The following BMPER variants were observed in gnomAD, a reference collection of about 807,000 sequenced individuals.
The protein encoded by BMPER is BMP-binding endothelial regulator protein.
In BMPER, 45 loss-of-function variants were observed where a neutral mutation model predicts 87.3. The observed-to-expected ratio is 0.52, with a 90% CI of 0.41 to 0.66. The LOEUF is 0.66. Ranked by LOEUF, BMPER falls within the 30% of genes least tolerant of loss-of-function variation. The pLI is 0.00. For missense variants in BMPER, 784 were observed against 867.5 expected (o/e 0.90, Z 1.21); for synonymous variants, 326 against 316.2 (o/e 1.03, Z -0.33).
chr7:34,011,544 G>C (rs1585735113), intron 6 of BMPER, among the ~76,000 whole-genome samples: 1 of 78,208 alleles, frequency 1.3e-5, no homozygotes, highest in African/African-American at 5.0e-5. Context: ...TTTTAAACCA[G>C]AATGTAAATA....
chr7:34,089,543 G>A (rs1789319683), intron 13 of BMPER, among the ~76,000 whole-genome samples: 1 of 152,036 alleles, frequency 6.6e-6, no homozygotes, highest in African/African-American at 2.4e-5. Context: ...GAGTGCAGTG[G>A]CGCAATCTCG....
rs775132487 is a variant in BMPER, at chr7:34,070,459, C to T, written c.1079-8398C>T. 2.6e-5 allele frequency among the ~76,000 whole-genome samples: 4 copies of T among 152,086 alleles called. No individual in the cohort carries two copies. In the South Asian group the frequency reaches 8.3e-4, roughly 32 times the overall value. On this transcript the variant is annotated intron_variant, in intron 11 of 14. Coordinates refer to ENST00000649409, the MANE Select transcript of BMPER (RefSeq NM_001365308.1). ...CAAATAAATACTTTCCTTGCCATTC[C>T]CATGGCAGCCGGACACTCATCCTAT...
chr7:34,063,053 C>A (rs1443699086), intron 11 of BMPER, among the ~76,000 whole-genome samples: 5 of 152,186 alleles, frequency 3.3e-5, no homozygotes, highest in Non-Finnish European at 5.9e-5. Flanking sequence ...AGCAAACTGC[C>A]ATTTTAGTCC....
At chr7:33,971,091 G>GTTAT in intron 5 of BMPER, among the ~76,000 whole-genome samples, 1 of 152,046 alleles carries the variant, frequency 6.6e-6, no homozygotes. Context: ...TCTCTGACAG[G>GTTAT]TGTTCTGCAT....
chr7:34,149,553 C>G (rs1861364), intron 14 of BMPER, among the ~76,000 whole-genome samples: 113,414 of 151,960 alleles, frequency 0.75, 43,031 homozygotes, highest in East Asian at 0.91. Context: ...GAGGAAGAGA[C>G]AGACAGAAGA....
At chr7:33,966,200 A>G (rs1227930212) in intron 3 of BMPER, among the ~76,000 whole-genome samples, 1 of 152,192 alleles carries the variant, frequency 6.6e-6, no homozygotes, top group Non-Finnish European at 1.5e-5. Flanking sequence ...TCACGAGGTT[A>G]TACATTTTGG....
chr7:34,076,666 G>A (rs1180849452), intron 11 of BMPER, among the ~76,000 whole-genome samples: 1 of 152,136 alleles, frequency 6.6e-6, no homozygotes, highest in Non-Finnish European at 1.5e-5. Flanking sequence ...TGATCAGCAG[G>A]CATGTAGAAG....
chr7:34,073,533 A>G (rs1788788881), intron 11 of BMPER, among the ~76,000 whole-genome samples: 1 of 152,252 alleles, frequency 6.6e-6, no homozygotes, highest in African/African-American at 2.4e-5. Context: ...ATTATGAGGC[A>G]TGTGTCTACC....
intron 6 of BMPER, among the ~76,000 whole-genome samples, chr7:34,037,911 C>G (rs1204118968): frequency 6.6e-6 from 1 of 152,178 alleles, no homozygotes; most frequent in Non-Finnish European, 1.5e-5. Flanking sequence ...AATCGAGCTT[C>G]TTGGCTATCT....
intron 2 of BMPER, among the ~76,000 whole-genome samples, chr7:33,931,316 G>A (rs939295554): frequency 1.3e-5 from 2 of 152,122 alleles, no homozygotes; most frequent in Non-Finnish European, 2.9e-5. Flanking sequence ...AGCTGATCCC[G>A]TAAGCCAGGC....
intron 11 of BMPER, 37 bp from the exon 12 acceptor site, chr7:34,078,820 G>T (rs941313171): frequency 6.2e-7 from 1 of 1,607,968 alleles, no homozygotes; most frequent in Admixed American, 1.7e-5. Context: ...CCTTGGCTTG[G>T]TTTGTGACCC....
chr7:34,025,177 T>C (rs1334932850), intron 6 of BMPER, among the ~76,000 whole-genome samples: 1 of 152,098 alleles, frequency 6.6e-6, no homozygotes, highest in African/African-American at 2.4e-5. Context: ...GCAAACATGG[T>C]CCTTCCAAGA....
At chr7:34,020,891 C>CACAT (rs201700508) in intron 6 of BMPER, among the ~76,000 whole-genome samples, 4 of 151,032 alleles carry the variant, frequency 2.6e-5, no homozygotes, top group South Asian at 4.2e-4. Flanking sequence ...CACACACACA[C>CACAT]GCACGCACAC....
chr7:33,937,517 T>C, intron 3 of BMPER, 129 bp downstream of exon 3: 1 of 696,900 alleles, frequency 1.4e-6, no homozygotes, highest in Non-Finnish European at 2.5e-6. Context: ...AAGTAGGGTG[T>C]GTGTGTGTGT....
At chr7:34,009,561 T>TA (rs1435965059) in intron 6 of BMPER, among the ~76,000 whole-genome samples, 1 of 151,804 alleles carries the variant, frequency 6.6e-6, no homozygotes, top group Non-Finnish European at 1.5e-5. Context: ...ACACATATAA[T>TA]AAAAACTAAT....
Position 33,906,897 on chromosome 7 carries a change from C to T in BMPER, c.213C>T (p.Val71=). ...FITDNPCIMC[V]CLNKEVTCKR... ...CAGACAACCCTTGCATAATGTGTGT[C>T]TGCTTGGTAAGTGTGGAGATCAGGT... The change falls in exon 2 of 15, where the codon GTC becomes GTT. Residue 71 remains valine, a synonymous_variant. Transcript: ENST00000649409. 8.7e-6 allele frequency: 14 copies of T among 1,612,596 alleles called. No individual in the cohort carries two copies. Among genetic ancestry groups the T allele is most frequent in the Non-Finnish European group, 1.2e-5 (14 of 1,178,784 alleles).
chr7:34,048,014 C>G (rs751418504), intron 7 of BMPER, among the ~76,000 whole-genome samples: 29 of 151,624 alleles, frequency 1.9e-4, no homozygotes, highest in Non-Finnish European at 2.9e-4. Context: ...CTTAAAAGGT[C>G]TTAGTTGTTT....
At chr7:34,092,147 C>A (rs1789402907) in intron 13 of BMPER, among the ~76,000 whole-genome samples, 1 of 152,180 alleles carries the variant, frequency 6.6e-6, no homozygotes, top group Non-Finnish European at 1.5e-5. Flanking sequence ...AGTGTGCACA[C>A]TTCTCTGTCT....
intron 6 of BMPER, among the ~76,000 whole-genome samples, chr7:34,036,406 T>G (rs1327362339): frequency 6.6e-6 from 1 of 152,170 alleles, no homozygotes; most frequent in Non-Finnish European, 1.5e-5. Context: ...ATTTACTTGT[T>G]TATTTATTGA....
Sources: gnomAD v4.1 joint callset for allele counts (sites outside exome capture counted in the v4.1 genomes callset) on GRCh38, gnomAD v4.1.1 for gene constraint, MANE v1.5 for transcripts, NCBI Gene and HGNC (gene_info 2026-07-23, HGNC 2026-07-21) for gene names.